The following DEPTOR variants were observed in gnomAD, a reference collection of about 807,000 sequenced individuals.
DEPTOR encodes DEP domain-containing mTOR-interacting protein.
Under a neutral mutation model 41.6 loss-of-function variants are expected in DEPTOR, and 41 were observed. The ratio of observed to expected loss-of-function variants is 0.98; its 90% CI spans 0.77 to 1.28. DEPTOR has a LOEUF of 1.28. Ranked by LOEUF, DEPTOR falls within the 50% of genes most tolerant of loss-of-function variation. The pLI is 0.00. For missense variants in DEPTOR, 514 were observed against 527.9 expected (o/e 0.97, Z 0.26); for synonymous variants, 195 against 192.3 (o/e 1.01, Z -0.12).
rs1812918038 is a variant in DEPTOR at position 120,033,085 on chromosome 8, T to C, written c.1102-16491T>C. ...CATGCTACTGGATATGGAATTCTTT[T>C]TTTTTTTTTTTTTTTTTTTGAGACA... On this transcript the variant is annotated intron_variant, in intron 8 of 8. Coordinates refer to ENST00000286234, the MANE Select transcript of DEPTOR (RefSeq NM_022783.4). 1.3e-4 allele frequency among the ~76,000 whole-genome samples: 3 copies of C among 23,992 alleles called. No individual in the cohort carries two copies. The Admixed American group carries it at 2.2e-3, about 18-fold the overall frequency. 15.7% of individuals were successfully genotyped at this position (23,992 alleles called of 152,430 possible). A position where few individuals can be genotyped will look rare whatever the true frequency, so the allele number is the denominator to read the frequency against.
intron 4 of DEPTOR, among the ~76,000 whole-genome samples, chr8:119,996,382 G>A (rs952480109): frequency 6.6e-6 from 1 of 152,132 alleles, no homozygotes; most frequent in Admixed American, 6.5e-5. Context: ...AATGTATTTG[G>A]CATTATGCTG....
chr8:119,906,157 C>T (rs1827660858), intron 1 of DEPTOR, among the ~76,000 whole-genome samples: 1 of 151,984 alleles, frequency 6.6e-6, no homozygotes, highest in African/African-American at 2.4e-5. Context: ...AATATACACA[C>T]ACACACAAAT....
intron 1 of DEPTOR, among the ~76,000 whole-genome samples, chr8:119,901,591 G>A (rs557007861): frequency 2.6e-5 from 4 of 151,146 alleles, no homozygotes; most frequent in Admixed American, 6.6e-5. Flanking sequence ...CAGGAGAATC[G>A]CTTGAACCCA....
At chr8:120,046,262 A>T (rs927011499) in intron 8 of DEPTOR, among the ~76,000 whole-genome samples, 1 of 152,154 alleles carries the variant, frequency 6.6e-6, no homozygotes, top group Non-Finnish European at 1.5e-5. Flanking sequence ...TAATATATTC[A>T]CAGATTTATG....
intron 3 of DEPTOR, among the ~76,000 whole-genome samples, chr8:119,956,719 G>C (rs914050993): frequency 6.2e-5 from 9 of 144,560 alleles, no homozygotes; most frequent in Non-Finnish European, 1.3e-4. Context: ...TAAGAGACAG[G>C]GTTTTTTGTT....
intron 8 of DEPTOR, among the ~76,000 whole-genome samples, chr8:120,038,120 T>A (rs745324904): frequency 2.3e-4 from 34 of 150,154 alleles, no homozygotes; most frequent in Non-Finnish European, 3.5e-4. Context: ...CACAAAAAAA[T>A]TAGCCAGATG....
At chr8:120,011,310 G>A (rs1415601800) in intron 8 of DEPTOR, among the ~76,000 whole-genome samples, 2 of 152,192 alleles carry the variant, frequency 1.3e-5, no homozygotes, top group East Asian at 3.8e-4. Context: ...GTGCTCTGGG[G>A]CAGCCATGGA....
At chr8:119,945,644 T>C (rs1222893443) in intron 3 of DEPTOR, among the ~76,000 whole-genome samples, 1 of 152,182 alleles carries the variant, frequency 6.6e-6, no homozygotes, top group Admixed American at 6.5e-5. Context: ...CTATAGAAAT[T>C]GAATGCCATG....
chr8:119,937,723 G>A (rs1042545245), intron 3 of DEPTOR, among the ~76,000 whole-genome samples: 15 of 152,144 alleles, frequency 9.9e-5, no homozygotes, highest in Non-Finnish European at 1.6e-4. Context: ...GACAAAGACA[G>A]CTCATTACTC....
chr8:120,017,526 G>A (rs118030280), intron 8 of DEPTOR, among the ~76,000 whole-genome samples: 34 of 152,246 alleles, frequency 2.2e-4, no homozygotes, highest in South Asian at 6.2e-4. Context: ...TTGTTGGAGT[G>A]GTCACGTGTT....
intron 8 of DEPTOR, among the ~76,000 whole-genome samples, chr8:120,045,474 G>A (rs1813141162): frequency 6.6e-6 from 1 of 152,140 alleles, no homozygotes; most frequent in East Asian, 1.9e-4. Context: ...GGGTTGAAGC[G>A]ATACTCTTGC....
intron 8 of DEPTOR, among the ~76,000 whole-genome samples, chr8:120,026,265 T>A (rs1476527511): frequency 6.6e-6 from 1 of 152,116 alleles, no homozygotes; most frequent in Non-Finnish European, 1.5e-5. Flanking sequence ...TGGAAAACTT[T>A]CATGGCATTT....
At chr8:120,040,081 T>A (rs1586670128) in intron 8 of DEPTOR, among the ~76,000 whole-genome samples, 1 of 151,994 alleles carries the variant, frequency 6.6e-6, no homozygotes, top group Admixed American at 6.6e-5. Flanking sequence ...TGACTCCAAG[T>A]GATGCGCCTG....
At chr8:119,876,861 A>C (rs553523104) in intron 1 of DEPTOR, among the ~76,000 whole-genome samples, 1 of 152,208 alleles carries the variant, frequency 6.6e-6, no homozygotes, top group Non-Finnish European at 1.5e-5. Context: ...AATGTATTTC[A>C]TGGAGTTGCG....
intron 8 of DEPTOR, among the ~76,000 whole-genome samples, chr8:120,027,528 A>G (rs1314370417): frequency 1.3e-5 from 2 of 151,500 alleles, no homozygotes; most frequent in Non-Finnish European, 1.5e-5. Context: ...AACATGGTGA[A>G]ACCTCATCTC....
chr8:119,920,656 A>G (rs562038149), intron 1 of DEPTOR, among the ~76,000 whole-genome samples: 5 of 152,334 alleles, frequency 3.3e-5, no homozygotes, highest in Non-Finnish European at 7.3e-5. Flanking sequence ...TGAGAGAGAC[A>G]AGGAAGCTCA....
intron 7 of DEPTOR, among the ~76,000 whole-genome samples, chr8:120,007,906 T>A (rs898392742): frequency 2.0e-5 from 3 of 152,232 alleles, no homozygotes; most frequent in African/African-American, 7.2e-5. Context: ...TCCCTGTTTT[T>A]CCTCAGTCTC....
chr8:119,915,121 C>G (rs1222019720), intron 1 of DEPTOR, among the ~76,000 whole-genome samples: 7 of 152,076 alleles, frequency 4.6e-5, no homozygotes, highest in African/African-American at 1.4e-4. Context: ...CATGTGCCAC[C>G]ACGCCCAGCT....
At chr8:119,983,736 T>C (rs1244109751) in intron 4 of DEPTOR, among the ~76,000 whole-genome samples, 1 of 149,788 alleles carries the variant, frequency 6.7e-6, no homozygotes, top group Non-Finnish European at 1.5e-5. Flanking sequence ...TAAAGTTTAT[T>C]TTTTAAAAAG....
Sources: gnomAD v4.1 joint callset for allele counts (sites outside exome capture counted in the v4.1 genomes callset) on GRCh38, gnomAD v4.1.1 for gene constraint, MANE v1.5 for transcripts, NCBI Gene and HGNC (gene_info 2026-07-23, HGNC 2026-07-21) for gene names.